Variants in OPCML observed in about 807,000 individuals in gnomAD.
The protein encoded by OPCML is opioid-binding protein/cell adhesion molecule.
A neutral mutation model predicts 37.8 loss-of-function variants in OPCML; 13 were observed. The observed-to-expected ratio is 0.34, with a 90% CI of 0.22 to 0.55. The LOEUF (loss-of-function observed/expected upper bound fraction) is 0.55, where lower values mean the gene tolerates loss of function less well. Among genes scored for constraint, OPCML ranks in the 20% least tolerant of loss-of-function variants. The probability of loss-of-function intolerance (pLI) is 0.91; values close to 1 mark genes in which losing one functional copy is unlikely to be tolerated. For synonymous variants in OPCML, 176 were observed against 168.8 expected (o/e 1.04, Z -0.33); for missense variants, 341 against 435.6 (o/e 0.78, Z 1.93).
intron 3 of OPCML, among the ~76,000 whole-genome samples, chr11:132,581,457 T>C (rs964330243): frequency 6.6e-6 from 1 of 152,192 alleles, no homozygotes; most frequent in African/African-American, 2.4e-5. Flanking sequence ...TCCAACTGGA[T>C]GGGAGTCTCC....
At chr11:133,417,463 T>A (rs1565623277) in intron 1 of OPCML, among the ~76,000 whole-genome samples, 1 of 151,398 alleles carries the variant, frequency 6.6e-6, no homozygotes, top group South Asian at 2.1e-4. Context: ...ACCTGGATTC[T>A]TTTATTTATT....
intron 5 of OPCML, 171 bp from the exon 6 acceptor site, chr11:132,436,950 T>G: frequency 1.0e-6 from 1 of 976,190 alleles, no homozygotes; most frequent in South Asian, 4.7e-5. Context: ...ATAAGCTGCT[T>G]GAAGATACTG....
chr11:133,495,444 G>A (rs1228961091), intron 1 of OPCML, among the ~76,000 whole-genome samples: 2 of 152,164 alleles, frequency 1.3e-5, no homozygotes, highest in Admixed American at 6.5e-5. Flanking sequence ...GGATCTAATG[G>A]TAGTTCTACT....
At chr11:133,034,751 C>CTT (rs5795815) in intron 1 of OPCML, among the ~76,000 whole-genome samples, 33 of 141,766 alleles carry the variant, frequency 2.3e-4, no homozygotes, top group Admixed American at 4.9e-4. Context: ...GTTTTTTTTC[C>CTT]TTTTTTTTTT....
intron 1 of OPCML, among the ~76,000 whole-genome samples, chr11:133,501,254 A>G (rs1298577056): frequency 1.3e-5 from 2 of 152,120 alleles, no homozygotes; most frequent in Admixed American, 6.5e-5. Context: ...CCCTCCAGGG[A>G]TGACGTTCCC....
At chr11:133,528,044 T>C (rs1948523776) in intron 1 of OPCML, among the ~76,000 whole-genome samples, 1 of 152,204 alleles carries the variant, frequency 6.6e-6, no homozygotes, top group South Asian at 2.1e-4. Flanking sequence ...TGTAATTTTC[T>C]AGGTTACAGA....
chr11:133,281,465 C>A (rs1316949634), intron 1 of OPCML, among the ~76,000 whole-genome samples: 2 of 152,062 alleles, frequency 1.3e-5, no homozygotes, highest in Non-Finnish European at 2.9e-5. Flanking sequence ...ATTCCTGAGA[C>A]CTTCACCAGA....
intron 4 of OPCML, among the ~76,000 whole-genome samples, chr11:132,491,274 G>A (rs1294112825): frequency 6.6e-6 from 1 of 152,186 alleles, no homozygotes; most frequent in Non-Finnish European, 1.5e-5. Context: ...AGCACTTACA[G>A]CTTCCCAACA....
chr11:132,957,420 C>T (rs540809973), intron 1 of OPCML, among the ~76,000 whole-genome samples: 4 of 152,094 alleles, frequency 2.6e-5, no homozygotes, highest in Non-Finnish European at 5.9e-5. Flanking sequence ...TCCAGGGAAA[C>T]ACAACCAAGG....
At chr11:133,499,058 C>T (rs140966101) in intron 1 of OPCML, among the ~76,000 whole-genome samples, 1 of 152,306 alleles carries the variant, frequency 6.6e-6, no homozygotes, top group East Asian at 1.9e-4. Context: ...TGACCTGGAA[C>T]CACCATGGTA....
intron 1 of OPCML, among the ~76,000 whole-genome samples, chr11:133,213,287 A>G (rs1304657582): frequency 6.6e-6 from 1 of 150,668 alleles, no homozygotes; most frequent in Non-Finnish European, 1.5e-5. Context: ...AAAACGTCCT[A>G]GAGTCAAGCA....
At chr11:133,450,974 C>T (rs1024518211) in intron 1 of OPCML, among the ~76,000 whole-genome samples, 1 of 151,732 alleles carries the variant, frequency 6.6e-6, no homozygotes, top group Non-Finnish European at 1.5e-5. Context: ...ATGCATTAAA[C>T]ATACCATATA....
At chr11:132,708,230 G>T (rs1944114117) in intron 2 of OPCML, among the ~76,000 whole-genome samples, 1 of 152,168 alleles carries the variant, frequency 6.6e-6, no homozygotes, top group Non-Finnish European at 1.5e-5. Context: ...TCTTTCTATT[G>T]TACAGTTATG....
At chr11:133,472,933 A>T (rs944417546) in intron 1 of OPCML, among the ~76,000 whole-genome samples, 1 of 152,060 alleles carries the variant, frequency 6.6e-6, no homozygotes, top group Non-Finnish European at 1.5e-5. Flanking sequence ...TCCAGCGCCC[A>T]ACCCCACCTG....
At chr11:133,311,988 G>T (rs969855650) in intron 1 of OPCML, among the ~76,000 whole-genome samples, 1 of 152,104 alleles carries the variant, frequency 6.6e-6, no homozygotes, top group Admixed American at 6.5e-5. Context: ...TCACTCTGCT[G>T]CAGAATGAGT....
intron 1 of OPCML, among the ~76,000 whole-genome samples, chr11:132,953,074 G>A (rs1394422290): frequency 6.6e-6 from 1 of 152,082 alleles, no homozygotes; most frequent in African/African-American, 2.4e-5. Context: ...AGAATCTAAG[G>A]AGTATAACAT....
intron 2 of OPCML, among the ~76,000 whole-genome samples, chr11:132,849,911 A>G (rs918170461): frequency 6.6e-6 from 1 of 152,232 alleles, no homozygotes; most frequent in Non-Finnish European, 1.5e-5. Flanking sequence ...AAACTGTGTC[A>G]TGGATCTCTA....
rs1051436249 is a variant in OPCML, at chr11:133,206,157, A to G, written c.62-263147T>C. Reference sequence around the variant, plus strand: ...TTTATAAGGCTGTTTCAAGGTTTCAAAAAGACAATGCACAAAAAACTGCTT... The same window carrying G: ...TTTATAAGGCTGTTTCAAGGTTTCAGAAAGACAATGCACAAAAAACTGCTT... On this transcript the variant is annotated intron_variant, in intron 1 of 7. Transcript: ENST00000524381. The surrounding 1 kb of genome is among the most constrained non-coding windows in gnomAD (Gnocchi z 4.7). 5.3e-5 allele frequency among the ~76,000 whole-genome samples: 8 copies of G among 152,102 alleles called. No homozygotes were observed. Among genetic ancestry groups the G allele is most frequent in the African/African-American group, 1.7e-4 (7 of 41,346 alleles).
chr11:133,253,977 C>T (rs1941235000), intron 1 of OPCML, among the ~76,000 whole-genome samples: 2 of 151,706 alleles, frequency 1.3e-5, no homozygotes, highest in Admixed American at 6.6e-5. Flanking sequence ...ACATTACTCT[C>T]AATCTCCTAT....
Sources: allele counts gnomAD v4.1 joint callset (sites outside exome capture counted in the v4.1 genomes callset), GRCh38; gene constraint gnomAD v4.1.1; non-coding constraint Gnocchi (gnomAD v3.1); transcripts MANE v1.5; gene names NCBI Gene and HGNC (gene_info 2026-07-23, HGNC 2026-07-21).